Variants in TRAPPC9 observed in about 807,000 individuals in gnomAD.
TRAPPC9 encodes the protein IKK2 binding protein.
A neutral mutation model predicts 124.0 loss-of-function variants in TRAPPC9; 83 were observed. That is an observed-to-expected ratio of 0.67 (90% confidence interval 0.56 to 0.80). The LOEUF is 0.80. Among genes scored for constraint, TRAPPC9 ranks in the 30% least tolerant of loss-of-function variants. The pLI, the probability that TRAPPC9 is intolerant of heterozygous loss-of-function variation, is 0.00. For missense variants in TRAPPC9, 1,302 were observed against 1,508.3 expected (o/e 0.86, Z 2.27); for synonymous variants, 638 against 617.5 (o/e 1.03, Z -0.49).
chr8:139,827,382 C>T (rs1229872822), intron 21 of TRAPPC9, among the ~76,000 whole-genome samples: 2 of 152,206 alleles, frequency 1.3e-5, no homozygotes, highest in African/African-American at 4.8e-5. Context: ...TCCCCGTAAT[C>T]CCTTTGGAAG....
intron 17 of TRAPPC9, among the ~76,000 whole-genome samples, chr8:140,029,063 T>A (rs1478949391): frequency 6.6e-6 from 1 of 152,094 alleles, no homozygotes; most frequent in Non-Finnish European, 1.5e-5. Flanking sequence ...CTACAACCAT[T>A]AAAAGGACAA....
At chr8:140,219,261 C>T (rs2063276279) in intron 17 of TRAPPC9, among the ~76,000 whole-genome samples, 1 of 152,238 alleles carries the variant, frequency 6.6e-6, no homozygotes, top group South Asian at 2.1e-4. Flanking sequence ...GCCTGCCCGG[C>T]CTGCTTCCTC....
At chr8:140,264,340 C>G (rs2131571321) in intron 15 of TRAPPC9, among the ~76,000 whole-genome samples, 1 of 152,232 alleles carries the variant, frequency 6.6e-6, no homozygotes, top group South Asian at 2.1e-4. Flanking sequence ...AGGTGCTCCC[C>G]ATGGCCTCCC....
intron 9 of TRAPPC9, among the ~76,000 whole-genome samples, chr8:140,323,649 T>C (rs1018252696): frequency 2.6e-5 from 4 of 152,196 alleles, no homozygotes; most frequent in African/African-American, 9.7e-5. Flanking sequence ...ATTTTCTGTG[T>C]TGGTTGTCAT....
chr8:139,839,381 G>A (rs1826578445), intron 21 of TRAPPC9, among the ~76,000 whole-genome samples: 1 of 152,200 alleles, frequency 6.6e-6, no homozygotes, highest in South Asian at 2.1e-4. Context: ...GCAGCCCCAG[G>A]GCAGGGATGG....
At chr8:140,051,156 T>C (rs1208597585) in intron 17 of TRAPPC9, among the ~76,000 whole-genome samples, 1 of 152,218 alleles carries the variant, frequency 6.6e-6, no homozygotes, top group African/African-American at 2.4e-5. Flanking sequence ...AGTGCCTTCA[T>C]TCCTGCACAC....
intron 9 of TRAPPC9, among the ~76,000 whole-genome samples, chr8:140,325,731 G>A (rs1421584046): frequency 2.0e-5 from 3 of 152,088 alleles, no homozygotes; most frequent in African/African-American, 7.2e-5. Flanking sequence ...GAAAACAAAG[G>A]AGCGAATACT....
In TRAPPC9 at chr8:139,805,397, C is replaced by T. The variant is rs368206340; in HGVS notation, c.3056-73195G>A. Among the ~76,000 whole-genome samples the T allele has an allele frequency of 4.6e-5, 7 of 152,340 alleles. No individual in the cohort carries two copies. The South Asian group carries it at 6.2e-4, about 14-fold the overall frequency. On this transcript the variant is annotated intron_variant, in intron 21 of 22. Transcript: ENST00000438773. ...GTCGGAAGTGGGAAGACCCCACACT[C>T]GGCAGGTGGGGACCTGCAGACCTGG...
intron 17 of TRAPPC9, among the ~76,000 whole-genome samples, chr8:140,109,477 TACAGTGAAACTA>T (rs1456843245): frequency 7.2e-5 from 11 of 152,154 alleles, no homozygotes; most frequent in African/African-American, 2.7e-4. Flanking sequence ...GACCATGTGG[TACAGTGAAACTA>T]ACATATCTGG....
At chr8:139,796,051 G>A (rs932203315) in intron 21 of TRAPPC9, among the ~76,000 whole-genome samples, 76 of 140,816 alleles carry the variant, frequency 5.4e-4, no homozygotes, top group Middle Eastern at 3.6e-3. Flanking sequence ...AGGAGAAGGA[G>A]GAGGAAGAGG....
intron 17 of TRAPPC9, among the ~76,000 whole-genome samples, chr8:140,189,471 A>G (rs948624763): frequency 2.6e-5 from 4 of 152,250 alleles, no homozygotes; most frequent in Non-Finnish European, 4.4e-5. Flanking sequence ...ACCAAGCAGT[A>G]ACTTAAAAAT....
intron 17 of TRAPPC9, among the ~76,000 whole-genome samples, chr8:140,103,609 T>C (rs1274452612): frequency 6.6e-6 from 1 of 152,224 alleles, no homozygotes; most frequent in Non-Finnish European, 1.5e-5. Context: ...AAAGTCCTGA[T>C]GTGAAATCTT....
chr8:139,888,177 G>A (rs1314949971), intron 20 of TRAPPC9, among the ~76,000 whole-genome samples: 1 of 152,248 alleles, frequency 6.6e-6, no homozygotes, highest in Non-Finnish European at 1.5e-5. Context: ...TGTGGCTGAA[G>A]CTCTGAGGCC....
At chr8:139,812,927 C>T (rs1054697589) in intron 21 of TRAPPC9, among the ~76,000 whole-genome samples, 3 of 152,178 alleles carry the variant, frequency 2.0e-5, no homozygotes, top group East Asian at 1.9e-4. Flanking sequence ...TGGGCCAGAA[C>T]GGTGCTTTGC....
chr8:140,043,097 T>G (rs934019719), intron 17 of TRAPPC9, among the ~76,000 whole-genome samples: 2 of 152,212 alleles, frequency 1.3e-5, no homozygotes, highest in Non-Finnish European at 2.9e-5. Context: ...TGATGAAAGT[T>G]AAGGAGCTAG....
chr8:140,016,188 A>G (rs953792342), intron 18 of TRAPPC9, among the ~76,000 whole-genome samples: 2 of 152,222 alleles, frequency 1.3e-5, no homozygotes, highest in Non-Finnish European at 2.9e-5. Context: ...CAAGGTTAAA[A>G]TTTACATACA....
chr8:139,887,988 C>A (rs951213203), intron 20 of TRAPPC9, among the ~76,000 whole-genome samples: 1 of 152,236 alleles, frequency 6.6e-6, no homozygotes, highest in African/African-American at 2.4e-5. Flanking sequence ...CTCAGCAAAC[C>A]TTCCTGCACC....
chr8:140,327,823 G>A (rs1454238477), intron 9 of TRAPPC9, among the ~76,000 whole-genome samples: 1 of 152,192 alleles, frequency 6.6e-6, no homozygotes, highest in Admixed American at 6.5e-5. Context: ...AAAAGTTCTA[G>A]AAATGGAGGG....
At chr8:140,203,043 G>A (rs186188232) in intron 17 of TRAPPC9, among the ~76,000 whole-genome samples, 46 of 152,240 alleles carry the variant, frequency 3.0e-4, no homozygotes, top group African/African-American at 1.1e-3. Flanking sequence ...AAAGCAAAAT[G>A]CAATGCAATG....
Sources: allele counts gnomAD v4.1 joint callset (sites outside exome capture counted in the v4.1 genomes callset), GRCh38; gene constraint gnomAD v4.1.1; transcripts MANE v1.5; gene names NCBI Gene and HGNC (gene_info 2026-07-23, HGNC 2026-07-21).